The following KIDINS220 variants were observed in gnomAD, a reference collection of about 807,000 sequenced individuals.
KIDINS220 encodes the protein kinase D interacting substrate 220.
Under a neutral mutation model 157.6 loss-of-function variants are expected in KIDINS220, and 63 were observed. That is an observed-to-expected ratio of 0.40 (90% confidence interval 0.33 to 0.49). The LOEUF (loss-of-function observed/expected upper bound fraction) is 0.49, where lower values mean the gene tolerates loss of function less well. Among genes scored for constraint, KIDINS220 ranks in the 20% least tolerant of loss-of-function variants. The pLI, the probability that KIDINS220 is intolerant of heterozygous loss-of-function variation, is 0.66. For missense variants in KIDINS220, 1,772 were observed against 2,171.2 expected, an observed-to-expected ratio of 0.82 and a Z score of 3.65; for synonymous variants, 732 against 783.6, an observed-to-expected ratio of 0.93 and a Z score of 1.10.
intron 17 of KIDINS220, among the ~76,000 whole-genome samples, chr2:8,780,409 A>C (rs1306820920): frequency 6.6e-6 from 1 of 152,178 alleles, no homozygotes; most frequent in Non-Finnish European, 1.5e-5. Flanking sequence ...AAAATCTGGA[A>C]TAGAACTCAA....
At chr2:8,806,049 C>T (rs1025410660) in intron 7 of KIDINS220, among the ~76,000 whole-genome samples, 2 of 152,108 alleles carry the variant, frequency 1.3e-5, no homozygotes, top group Non-Finnish European at 2.9e-5. Flanking sequence ...TTAGCCTCCC[C>T]AGTTGTGTGT....
intron 21 of KIDINS220, among the ~76,000 whole-genome samples, chr2:8,773,659 A>G (rs1048474976): frequency 6.6e-6 from 1 of 151,928 alleles, no homozygotes; most frequent in Non-Finnish European, 1.5e-5. Context: ...GTTCGTAAAG[A>G]CGGGGTTTCA....
intron 21 of KIDINS220, among the ~76,000 whole-genome samples, chr2:8,773,525 C>T (rs559088604): frequency 8.6e-4 from 130 of 151,076 alleles, no homozygotes; most frequent in Non-Finnish European, 1.8e-4. Context: ...CAGGCTGGAG[C>T]GCAGTGGCAC....
rs75262399 is a variant in KIDINS220 at position 8,780,048 on chromosome 2, A to C, written c.2230-234T>G. On this transcript the variant is annotated intron_variant, in intron 17 of 29. Coordinates refer to ENST00000256707, the MANE Select transcript of KIDINS220 (RefSeq NM_020738.4). ...ATGACACTGTGGGATAGACACTACC[A>C]TATCTGTTCTAAAAAGAACAAACTG... is the stretch of plus-strand genomic sequence containing the variant. Among the ~76,000 whole-genome samples, 1,295 of 152,346 alleles carry C rather than the reference A, an allele frequency of 8.5e-3. 8 individuals carry two copies. The highest frequency in any genetic ancestry group is 0.012 in the Non-Finnish European group (829 of 68,024).
rs1218910345 is a variant in KIDINS220, at chr2:8,730,238, C to T, written c.*482G>A. On this transcript the variant is annotated 3_prime_UTR_variant, in exon 30 of 30. Coordinates refer to ENST00000256707, the MANE Select transcript of KIDINS220 (RefSeq NM_020738.4). ...AACGCTGGATCTCGGTTTACTCAGC[C>T]TCTCCCTGTAGCGTCACAGGCTGTG... is the stretch of plus-strand genomic sequence containing the variant. 5 of 987,722 alleles carry T rather than the reference C, an allele frequency of 5.1e-6. No individual in the cohort carries two copies. In the Admixed American group the frequency reaches 2.4e-4, roughly 48 times the overall value. The allele number at this position is 987,722 out of a possible 1,614,324, so 61.2% of individuals were successfully genotyped here.
chr2:8,767,173 C>T (rs1327598517), intron 22 of KIDINS220, among the ~76,000 whole-genome samples: 3 of 151,950 alleles, frequency 2.0e-5, no homozygotes, highest in Non-Finnish European at 4.4e-5. Context: ...CAGGCTTTAT[C>T]TTTAAAAAGA....
In KIDINS220 at chr2:8,778,693, C is replaced by A. The variant is rs775451553; in HGVS notation, c.2649G>T (p.Gln883His). 2 of 1,613,998 alleles carry A rather than the reference C, an allele frequency of 1.2e-6. No individual in the cohort carries two copies. The highest frequency in any genetic ancestry group is 2.2e-5 in the East Asian group (1 of 44,894). The change falls in exon 20 of 30, where the codon CAG becomes CAT. Residue 883 changes from glutamine (Q) to histidine (H), a missense_variant. Physicochemically the swap from Gln to His is conservative, Grantham distance 24. Coordinates refer to ENST00000256707, the MANE Select transcript of KIDINS220 (RefSeq NM_020738.4). ...IQEDADRRVS[Q>H]NSLGEMTKLG... ...GTTTTGTCATCTCCCCAAGGCTGTT[C>A]TGTGAAACTCTTCTGTCAGCATCTT...
chr2:8,821,576 A>G (rs1312682237), intron 2 of KIDINS220, among the ~76,000 whole-genome samples: 1 of 152,214 alleles, frequency 6.6e-6, no homozygotes, highest in Non-Finnish European at 1.5e-5. Flanking sequence ...TGGGTTCTGA[A>G]GCCATCTATC....
intron 27 of KIDINS220, among the ~76,000 whole-genome samples, chr2:8,736,126 T>TA (rs1664825735): frequency 6.6e-6 from 1 of 152,216 alleles, no homozygotes; most frequent in African/African-American, 2.4e-5. Context: ...CATAATTCTT[T>TA]AAAAAACTTC....
At position 8,834,249 on chromosome 2, in the gene KIDINS220, GGT is replaced by G. The variant is rs972622563; in HGVS notation, c.-37+3229_-37+3230del. ...CATTCTGTGCTCAAAACATCCCAAC[GGT>G]TGTCCTCTCACTCAAAATCCCAGAT... On this transcript the variant is annotated intron_variant, in intron 1 of 29. Transcript: ENST00000256707. Among the ~76,000 whole-genome samples the G allele has an allele frequency of 5.5e-4, 83 of 151,970 alleles. 1 individual carries two copies. Among genetic ancestry groups the G allele is most frequent in the South Asian group, 1.2e-3 (6 of 4,804 alleles).
intron 12 of KIDINS220, among the ~76,000 whole-genome samples, chr2:8,791,661 C>T (rs2148278812): frequency 6.6e-6 from 1 of 152,006 alleles, no homozygotes; most frequent in Middle Eastern, 3.4e-3. Context: ...ATGATTAACA[C>T]AAATAAGCAT....
Position 8,730,964 on chromosome 2 carries a change from G to A in KIDINS220, c.5072C>T (p.Pro1691Leu). The A allele has an allele frequency of 6.2e-7, 1 of 1,614,226 alleles. No individual in the cohort carries two copies. Among genetic ancestry groups the A allele is most frequent in the Non-Finnish European group, 8.5e-7 (1 of 1,180,050 alleles). The change falls in exon 30 of 30, where the codon CCA becomes CTA. Residue 1691 changes from proline to leucine, a missense_variant. This residue lies in a region of KIDINS220 where 793 missense variants were observed against 885.5 expected (regional missense o/e 0.90). Transcript: ENST00000256707. ...STVTLNNNSA[P>L]ANRANQNFDE... ...GAAATTTTGATTGGCTCTGTTGGCTGGAGCACTATTGTTGTTCAGAGTCAC... is the reference window on the plus strand; with the variant it reads ...GAAATTTTGATTGGCTCTGTTGGCTAGAGCACTATTGTTGTTCAGAGTCAC...
At chr2:8,751,855 C>A (rs938387416) in intron 22 of KIDINS220, among the ~76,000 whole-genome samples, 1 of 152,032 alleles carries the variant, frequency 6.6e-6, no homozygotes, top group East Asian at 1.9e-4. Flanking sequence ...CAGGTGTGCA[C>A]TACCATGCCC....
chr2:8,812,048 A>C (rs1284055141), intron 6 of KIDINS220, among the ~76,000 whole-genome samples: 1 of 152,210 alleles, frequency 6.6e-6, no homozygotes, highest in Admixed American at 6.5e-5. Context: ...CCAAACTTCA[A>C]TTTCAGAAAG....
Position 8,728,969 on chromosome 2 carries a change from A to G in KIDINS220, c.*1751T>C, listed in dbSNP as rs1663658810. 1 of 980,246 alleles carries G rather than the reference A, an allele frequency of 1.0e-6. No homozygotes were observed. Among genetic ancestry groups the G allele is most frequent in the Non-Finnish European group, 1.2e-6 (1 of 824,884 alleles). 60.7% of individuals were successfully genotyped at this position (980,246 alleles called of 1,614,324 possible). A position where few individuals can be genotyped will look rare whatever the true frequency, so the allele number is the denominator to read the frequency against. On this transcript the variant is annotated 3_prime_UTR_variant, in exon 30 of 30. Transcript: ENST00000256707. ...TATTGTTTTCTAAATCTATTTGTACACTTAATATGCTAGTATTAATTTCAC... is the reference window on the plus strand; with the variant it reads ...TATTGTTTTCTAAATCTATTTGTACGCTTAATATGCTAGTATTAATTTCAC...
chr2:8,834,256 C>G (rs1680068846), intron 1 of KIDINS220, among the ~76,000 whole-genome samples: 1 of 151,996 alleles, frequency 6.6e-6, no homozygotes, highest in Non-Finnish European at 1.5e-5. Flanking sequence ...AACGGTTGTC[C>G]TCTCACTCAA....
rs1475200213 is a variant in KIDINS220 at position 8,744,396 on chromosome 2, T to C, written c.3585+2749A>G. Among the ~76,000 whole-genome samples the C allele has an allele frequency of 1.2e-4, 3 of 24,736 alleles. 1 individual carries two copies. In the East Asian group the frequency reaches 6.8e-3, roughly 56 times the overall value. The allele number at this position is 24,736 out of a possible 152,430, so 16.2% of individuals were successfully genotyped here. On this transcript the variant is annotated intron_variant, in intron 26 of 29. Coordinates refer to ENST00000256707, the MANE Select transcript of KIDINS220 (RefSeq NM_020738.4). ...AAAAAAAAAAAAAAAAAAATATATA[T>C]ATATAATATATATATATATATATAT...
chr2:8,772,213 C>T (rs1368037172), intron 21 of KIDINS220, among the ~76,000 whole-genome samples: 2 of 152,096 alleles, frequency 1.3e-5, no homozygotes, highest in Non-Finnish European at 2.9e-5. Flanking sequence ...TGGTGGCTCA[C>T]ACCTGTAATC....
chr2:8,722,536 C>G (rs542919252), downstream of KIDINS220: 1 of 152,216 alleles, frequency 6.6e-6, no homozygotes, highest in South Asian at 2.1e-4. Context: ...AGGGAGAAGC[C>G]CCCAAGAGTT....
Sources: gnomAD v4.1 joint callset for allele counts (sites outside exome capture counted in the v4.1 genomes callset) on GRCh38, gnomAD v4.1.1 for gene constraint, gnomAD v4.1.1 regional missense constraint, MANE v1.5 for transcripts, NCBI Gene and HGNC (gene_info 2026-07-23, HGNC 2026-07-21) for gene names.